Variants in MYO1H observed in about 807,000 individuals in gnomAD.
MYO1H encodes the protein myosin IH.
MYO1H carries 118 observed loss-of-function variants against 149.3 expected under a neutral mutation model. That is an observed-to-expected ratio of 0.79 (90% CI 0.68 to 0.92). The LOEUF (loss-of-function observed/expected upper bound fraction) is 0.92. MYO1H is among the 40% of genes least tolerant of loss of function. MYO1H has a pLI of 0.00. For missense variants in MYO1H, 1,212 were observed against 1,280.7 expected, an observed-to-expected ratio of 0.95 and a Z score of 0.82; for synonymous variants, 447 against 465.2, an observed-to-expected ratio of 0.96 and a Z score of 0.50.
chr12:109,379,350 C>G (rs1869152360), intron 1 of MYO1H, among the ~76,000 whole-genome samples: 1 of 152,166 alleles, frequency 6.6e-6, no homozygotes, highest in Non-Finnish European at 1.5e-5. Context: ...TGCTTTTGAA[C>G]TAAAATGTAT....
intron 1 of MYO1H, among the ~76,000 whole-genome samples, chr12:109,351,068 C>T (rs893841093): frequency 2.6e-5 from 4 of 152,296 alleles, no homozygotes; most frequent in African/African-American, 7.2e-5. Context: ...TAGACTCATT[C>T]TCATGTTCCA....
chr12:109,374,239 A>C (rs944071590), intron 1 of MYO1H, among the ~76,000 whole-genome samples: 2 of 152,008 alleles, frequency 1.3e-5, no homozygotes, highest in Non-Finnish European at 2.9e-5. Flanking sequence ...GTCCTTCTGG[A>C]GTGTGTTAAA....
chr12:109,355,141 G>C (rs1312696674), intron 1 of MYO1H, among the ~76,000 whole-genome samples: 1 of 152,060 alleles, frequency 6.6e-6, no homozygotes, highest in Non-Finnish European at 1.5e-5. Flanking sequence ...TGGTGGTCTT[G>C]GTTCCTTCCT....
At chr12:109,378,459 C>G (rs1437553750) in intron 1 of MYO1H, among the ~76,000 whole-genome samples, 1 of 151,764 alleles carries the variant, frequency 6.6e-6, no homozygotes, top group South Asian at 2.1e-4. Flanking sequence ...TAGATGGTAC[C>G]ACAGGTGTGC....
At chr12:109,332,882 C>A in the MYO1H span, among the ~76,000 whole-genome samples, 1 of 152,228 alleles carries the variant, frequency 6.6e-6, no homozygotes, top group Non-Finnish European at 1.5e-5. Flanking sequence ...CGTGCCCAGC[C>A]TGGTGCAGAT....
At chr12:109,440,779 C>T in exon 25 of MYO1H, 1 of 1,566,320 alleles carries the variant, frequency 6.4e-7, no homozygotes, top group East Asian at 2.4e-5. Flanking sequence ...GCGTGAGGAA[C>T]CTGGTGCAGA....
intron 24 of MYO1H, among the ~76,000 whole-genome samples, chr12:109,440,391 C>A (rs1300151348): frequency 6.6e-6 from 1 of 152,122 alleles, no homozygotes; most frequent in African/African-American, 2.4e-5. Flanking sequence ...AGAATAGCAT[C>A]CCTCAAGAGA....
At chr12:109,426,453 G>A (rs950696066) in intron 18 of MYO1H, among the ~76,000 whole-genome samples, 3 of 152,150 alleles carry the variant, frequency 2.0e-5, no homozygotes, top group Admixed American at 2.0e-4. Context: ...TTGATCCCAG[G>A]AGTTCAAGGC....
intron 1 of MYO1H, among the ~76,000 whole-genome samples, chr12:109,353,419 A>AAAAT (rs1868509710): frequency 1.4e-5 from 2 of 144,744 alleles, no homozygotes; most frequent in African/African-American, 5.2e-5. Flanking sequence ...AAAAAAAAAA[A>AAAAT]TTGTGGTTAT....
intron 1 of MYO1H, among the ~76,000 whole-genome samples, chr12:109,364,411 C>T (rs939628574): frequency 1.3e-5 from 2 of 152,032 alleles, no homozygotes; most frequent in African/African-American, 4.8e-5. Flanking sequence ...TCACTGCAGC[C>T]TCAAACTCGG....
intron 1 of MYO1H, among the ~76,000 whole-genome samples, chr12:109,352,633 AAAG>A (rs779954005): frequency 2.6e-5 from 4 of 152,210 alleles, no homozygotes; most frequent in Admixed American, 6.5e-5. Flanking sequence ...AACATACAGA[AAAG>A]AAGAAATTGT....
intron 19 of MYO1H, 137 bp downstream of exon 19, chr12:109,427,723 A>G: frequency 1.6e-6 from 1 of 614,536 alleles, no homozygotes; most frequent in South Asian, 1.7e-5. Flanking sequence ...TATGACAGCT[A>G]AAAACACTAA....
chr12:109,317,319 T>C, the MYO1H span, among the ~76,000 whole-genome samples: 1 of 152,196 alleles, frequency 6.6e-6, no homozygotes, highest in Non-Finnish European at 1.5e-5. Context: ...TCTGTTTCTA[T>C]TTAAATAATT....
chr12:109,383,282 GC>G (rs1869242114), intron 1 of MYO1H, among the ~76,000 whole-genome samples: 1 of 152,176 alleles, frequency 6.6e-6, no homozygotes. Context: ...TTAAAAAATA[GC>G]CCTTACTCTT....
At chr12:109,406,996 G>A in intron 9 of MYO1H, 136 bp downstream of exon 9, 2 of 703,098 alleles carry the variant, frequency 2.8e-6, no homozygotes, top group Non-Finnish European at 4.9e-6. Context: ...TCCAGCTCCT[G>A]TGGAGTGTCC....
rs554694518 is a variant in MYO1H at position 109,376,092 on chromosome 12, T to C, written c.13-12591T>C. ...TTTGCCTTTCACATTTAGATTTTTTTTGGTAACCATCTTACTGAAATACAA... is the reference window on the plus strand; with the variant it reads ...TTTGCCTTTCACATTTAGATTTTTTCTGGTAACCATCTTACTGAAATACAA... On this transcript the variant is annotated intron_variant, in intron 1 of 31. Transcript: ENST00000310903. Among the ~76,000 whole-genome samples the C allele has an allele frequency of 3.2e-4, 49 of 152,334 alleles. No homozygotes were observed. The South Asian group carries it at 9.3e-3, about 29-fold the overall frequency.
intron 1 of MYO1H, among the ~76,000 whole-genome samples, chr12:109,363,757 G>A (rs138612203): frequency 6.6e-6 from 1 of 152,056 alleles, no homozygotes; most frequent in African/African-American, 2.4e-5. Flanking sequence ...TCCCACCTGC[G>A]AGAAGATGTA....
rs1555255518 is a variant in MYO1H, at chr12:109,443,009, A to AT, written c.2689-505_2689-504insT. 9.3e-3 allele frequency among the ~76,000 whole-genome samples: 543 copies of AT among 58,496 alleles called. 96 individuals are homozygous for AT. The highest frequency in any genetic ancestry group is 0.029 in the African/African-American group (269 of 9,326). 38.4% of individuals were successfully genotyped at this position (58,496 alleles called of 152,430 possible). ...TGCAGAGAGCCAGGAAAAAAAAAAA[A>AT]ATATATATATATATATATATGTGTG... On this transcript the variant is annotated intron_variant, in intron 27 of 31. Transcript: ENST00000310903.
At chr12:109,446,608 C>A (rs1470996606) in intron 31 of MYO1H, 2 of 246,400 alleles carry the variant, frequency 8.1e-6, no homozygotes, top group Non-Finnish European at 1.3e-5. Context: ...ACTAAAAATA[C>A]AAAAATTAGT....
Sources: allele counts gnomAD v4.1 joint callset (sites outside exome capture counted in the v4.1 genomes callset), GRCh38; gene constraint gnomAD v4.1.1; transcripts MANE v1.5; gene names NCBI Gene and HGNC (gene_info 2026-07-23, HGNC 2026-07-21).